NRG3: variants seen among roughly 807,000 people sequenced by gnomAD.
NRG3 encodes pro-neuregulin-3, membrane-bound isoform.
A neutral mutation model predicts 66.9 loss-of-function variants in NRG3; 31 were observed. The observed-to-expected ratio is 0.46, with a 90% confidence interval of 0.35 to 0.63. NRG3 has a LOEUF of 0.63. Ranked by LOEUF, NRG3 falls within the 20% of genes least tolerant of loss-of-function variation. NRG3 has a pLI of 0.00. For missense variants in NRG3, 910 were observed against 878.9 expected, an observed-to-expected ratio of 1.04 and a Z score of -0.45; for synonymous variants, 393 against 359.4, an observed-to-expected ratio of 1.09 and a Z score of -1.06.
At chr10:82,176,886 C>CACAG (rs886434969) in intron 1 of NRG3, among the ~76,000 whole-genome samples, 6 of 150,708 alleles carry the variant, frequency 4.0e-5, no homozygotes, top group Non-Finnish European at 5.9e-5. Flanking sequence ...ACAAGACACA[C>CACAG]ACACACACAC....
At chr10:82,418,533 T>C (rs2088797903) in intron 2 of NRG3, among the ~76,000 whole-genome samples, 1 of 151,600 alleles carries the variant, frequency 6.6e-6, no homozygotes, top group South Asian at 2.1e-4. Context: ...TGCAGATTAA[T>C]GTCCTTGGTG....
chr10:82,123,623 A>C (rs1469688459), intron 1 of NRG3, among the ~76,000 whole-genome samples: 1 of 152,154 alleles, frequency 6.6e-6, no homozygotes, highest in African/African-American at 2.4e-5. Context: ...AGGTGGGAGC[A>C]CCTGAAACTA....
chr10:82,911,242 T>G lies in NRG3; in HGVS notation c.1055-40227T>G, dbSNP rs1031706438. ...TATGGTTAAGTGGTTTATAAGCATT[T>G]TTTTTCAGTCCTTGATTCATCTTTT... On this transcript the variant is annotated intron_variant, in intron 4 of 8. Coordinates refer to ENST00000372141, the MANE Select transcript of NRG3 (RefSeq NM_001010848.4). 2.6e-5 allele frequency among the ~76,000 whole-genome samples: 4 copies of G among 152,144 alleles called. No individual in the cohort carries two copies. In the East Asian group the frequency reaches 7.7e-4, roughly 29 times the overall value.
intron 1 of NRG3, among the ~76,000 whole-genome samples, chr10:82,091,511 CT>C (rs2066023991): frequency 6.6e-6 from 1 of 152,138 alleles, no homozygotes; most frequent in Admixed American, 6.5e-5. Flanking sequence ...CTTTTTAAGG[CT>C]GAATTGGATT....
intron 1 of NRG3, among the ~76,000 whole-genome samples, chr10:82,028,005 G>T (rs557666195): frequency 2.6e-5 from 4 of 152,120 alleles, no homozygotes; most frequent in Non-Finnish European, 4.4e-5. Context: ...TGGCTGGGTT[G>T]TATTATTAAC....
chr10:82,053,605 GGAGAGCAT>G (rs148605461), intron 1 of NRG3, among the ~76,000 whole-genome samples: 7,062 of 152,186 alleles, frequency 0.046, 555 homozygotes, highest in African/African-American at 0.16. Flanking sequence ...ACAACTTTCA[GGAGAGCAT>G]GAGTTTTTAA....
At chr10:82,765,737 T>C (rs1462782058) in intron 3 of NRG3, among the ~76,000 whole-genome samples, 2 of 152,176 alleles carry the variant, frequency 1.3e-5, no homozygotes, top group African/African-American at 2.4e-5. Flanking sequence ...AAAATGATAA[T>C]AATGTGGTAT....
intron 2 of NRG3, among the ~76,000 whole-genome samples, chr10:82,574,428 C>A (rs1427302148): frequency 6.6e-6 from 1 of 151,686 alleles, no homozygotes; most frequent in Non-Finnish European, 1.5e-5. Flanking sequence ...TGGGTACAAA[C>A]ATACAGTTAG....
intron 2 of NRG3, among the ~76,000 whole-genome samples, chr10:82,448,634 C>T (rs2090865670): frequency 6.6e-6 from 1 of 152,080 alleles, no homozygotes; most frequent in African/African-American, 2.4e-5. Flanking sequence ...TTCCCCAGCT[C>T]CCCTGTATTA....
At chr10:82,835,959 C>T (rs541050844) in intron 3 of NRG3, among the ~76,000 whole-genome samples, 4 of 152,076 alleles carry the variant, frequency 2.6e-5, no homozygotes, top group East Asian at 1.9e-4. Flanking sequence ...CTGTTTAGAG[C>T]GAGGGTTAGC....
chr10:82,954,228 A>AGTT (rs761361592), intron 5 of NRG3, among the ~76,000 whole-genome samples: 5 of 152,012 alleles, frequency 3.3e-5, no homozygotes, highest in Non-Finnish European at 5.9e-5. Context: ...ATAAAGAAGC[A>AGTT]GTTAATCACT....
At chr10:82,219,361 T>C (rs1211680389) in intron 1 of NRG3, among the ~76,000 whole-genome samples, 3 of 150,808 alleles carry the variant, frequency 2.0e-5, no homozygotes, top group Non-Finnish European at 2.9e-5. Context: ...CTGGGGGGCG[T>C]AGTCATCCAA....
intron 1 of NRG3, among the ~76,000 whole-genome samples, chr10:82,334,048 T>A (rs1025926416): frequency 6.7e-6 from 1 of 149,058 alleles, no homozygotes; most frequent in Admixed American, 6.8e-5. Flanking sequence ...CGGGCGCCTG[T>A]AGTCCCAGCT....
At chr10:82,509,890 A>C (rs1375554471) in intron 2 of NRG3, among the ~76,000 whole-genome samples, 1 of 152,042 alleles carries the variant, frequency 6.6e-6, no homozygotes, top group Non-Finnish European at 1.5e-5. Flanking sequence ...ACCATTCTGT[A>C]CTGTGCATTT....
At chr10:81,970,534 G>A (rs554776377) in intron 1 of NRG3, among the ~76,000 whole-genome samples, 3 of 152,274 alleles carry the variant, frequency 2.0e-5, no homozygotes, top group Middle Eastern at 3.4e-3. Flanking sequence ...TTCAATCTAT[G>A]TTAGATATTT....
At chr10:82,052,241 G>C (rs542449555) in intron 1 of NRG3, among the ~76,000 whole-genome samples, 1 of 152,182 alleles carries the variant, frequency 6.6e-6, no homozygotes, top group Admixed American at 6.6e-5. Flanking sequence ...CTCACATTTA[G>C]TCTTTCCTAA....
At chr10:81,962,424 T>C (rs1256249355) in intron 1 of NRG3, among the ~76,000 whole-genome samples, 1 of 152,186 alleles carries the variant, frequency 6.6e-6, no homozygotes, top group Non-Finnish European at 1.5e-5. Context: ...ATGATAGTAA[T>C]GTATAGGGTT....
At chr10:82,877,613 T>C (rs1206489240) in intron 4 of NRG3, among the ~76,000 whole-genome samples, 3 of 140,652 alleles carry the variant, frequency 2.1e-5, no homozygotes, top group South Asian at 4.8e-4. Context: ...GGTCTTGAAC[T>C]CCTGACCTCA....
At chr10:82,102,652 A>T (rs747523447) in intron 1 of NRG3, among the ~76,000 whole-genome samples, 1 of 151,922 alleles carries the variant, frequency 6.6e-6, no homozygotes, top group Non-Finnish European at 1.5e-5. Flanking sequence ...ATACACACAC[A>T]GTATGTGTAG....
Sources: gnomAD v4.1 joint callset for allele counts (sites outside exome capture counted in the v4.1 genomes callset) on GRCh38, gnomAD v4.1.1 for gene constraint, MANE v1.5 for transcripts, NCBI Gene and HGNC (gene_info 2026-07-23, HGNC 2026-07-21) for gene names.